PTPRN2: variants seen among roughly 807,000 people sequenced by gnomAD.
PTPRN2 encodes receptor-type tyrosine-protein phosphatase N2.
Under a neutral mutation model 118.8 loss-of-function variants are expected in PTPRN2, and 74 were observed. The ratio of observed to expected loss-of-function variants is 0.62; its 90% CI spans 0.52 to 0.76. The LOEUF (loss-of-function observed/expected upper bound fraction) is 0.76. Ranked by LOEUF, PTPRN2 falls within the 30% of genes least tolerant of loss-of-function variation. PTPRN2 has a pLI of 0.00. For synonymous variants in PTPRN2, 641 were observed against 608.0 expected (o/e 1.05, Z -0.80); for missense variants, 1,481 against 1,394.4 (o/e 1.06, Z -0.99).
At chr7:158,096,573 C>T (rs779150163) in intron 10 of PTPRN2, among the ~76,000 whole-genome samples, 5 of 152,212 alleles carry the variant, frequency 3.3e-5, no homozygotes, top group African/African-American at 7.2e-5. Context: ...GGAGTTTTGA[C>T]GTACTGTGAC....
chr7:158,476,912 A>G (rs1670343), intron 2 of PTPRN2, among the ~76,000 whole-genome samples: 121,406 of 152,194 alleles, frequency 0.8, 48,597 homozygotes, highest in Middle Eastern at 0.85. Flanking sequence ...CTGAGCTCAC[A>G]TGTGTGTGAG....
chr7:158,395,794 TGAGGCGCGAGGGGCGAGGG>T (rs1812431207), intron 2 of PTPRN2, among the ~76,000 whole-genome samples: 2 of 28,382 alleles, frequency 7.0e-5, no homozygotes, highest in African/African-American at 2.3e-4. Flanking sequence ...GGGCGAGGGG[TGAGGCGCGAGGGGCGAGGG>T]GCGAGGGCTC....
At chr7:158,068,403 C>G (rs1472635468) in intron 11 of PTPRN2, among the ~76,000 whole-genome samples, 1 of 152,182 alleles carries the variant, frequency 6.6e-6, no homozygotes, top group African/African-American at 2.4e-5. Flanking sequence ...AGTGGCTGGA[C>G]TGCAGCTGGG....
intron 5 of PTPRN2, among the ~76,000 whole-genome samples, chr7:158,168,434 A>G (rs1211898472): frequency 6.6e-6 from 1 of 152,178 alleles, no homozygotes; most frequent in Admixed American, 6.5e-5. Context: ...TCTTCTCTGA[A>G]GAAATGTCTG....
intron 6 of PTPRN2, among the ~76,000 whole-genome samples, chr7:158,140,409 G>A (rs4909104): frequency 0.26 from 39,707 of 152,132 alleles, 5,456 homozygotes; most frequent in East Asian, 0.38. Flanking sequence ...AAATGAGACT[G>A]TGGGTAGCAG....
At chr7:157,914,218 CA>C (rs1263566986) in intron 11 of PTPRN2, among the ~76,000 whole-genome samples, 4 of 152,002 alleles carry the variant, frequency 2.6e-5, no homozygotes, top group Non-Finnish European at 4.4e-5. Context: ...TTTAAAAAGA[CA>C]AAAAATTTTG....
intron 14 of PTPRN2, among the ~76,000 whole-genome samples, chr7:157,625,204 A>G (rs1803491836): frequency 6.6e-6 from 1 of 152,264 alleles, no homozygotes; most frequent in Non-Finnish European, 1.5e-5. Context: ...TAGAAATACC[A>G]TATGATCCGG....
At chr7:157,803,793 G>A (rs900949115) in intron 12 of PTPRN2, among the ~76,000 whole-genome samples, 8 of 152,168 alleles carry the variant, frequency 5.3e-5, no homozygotes, top group African/African-American at 1.9e-4. Flanking sequence ...TTTTATGCCA[G>A]TAGTGTATTG....
intron 13 of PTPRN2, among the ~76,000 whole-genome samples, chr7:157,657,132 C>T (rs1211770203): frequency 1.4e-5 from 2 of 139,150 alleles, no homozygotes; most frequent in Non-Finnish European, 3.1e-5. Flanking sequence ...CATATACACA[C>T]ACATACGCCA....
Position 157,595,384 on chromosome 7 carries a change from GAGGTTAGGAAGCCAGA to G in PTPRN2, c.2419-85_2419-70del, listed in dbSNP as rs1409412793. On this transcript the variant is annotated intron_variant, in intron 16 of 22. Coordinates refer to ENST00000389418, the MANE Select transcript of PTPRN2 (RefSeq NM_002847.5). Reference sequence around the variant, plus strand: ...GGAAGCCTGGAGGTTAGGAAGCCTGGAGGTTAGGAAGCCAGAAGGTTAGGAAACCCGGAGGTTAGGA... The same window carrying G: ...GGAAGCCTGGAGGTTAGGAAGCCTGGAGGTTAGGAAACCCGGAGGTTAGGA... 1.3e-3 allele frequency: 1,902 copies of G among 1,421,072 alleles called. 22 individuals are homozygous for G. In the African/African-American group the frequency reaches 0.028, roughly 21 times the overall value. 88.0% of individuals were successfully genotyped at this position (1,421,072 alleles called of 1,614,324 possible). A position where few individuals can be genotyped will look rare whatever the true frequency, so the allele number is the denominator to read the frequency against.
At chr7:157,681,241 G>A (rs1014949912) in intron 13 of PTPRN2, among the ~76,000 whole-genome samples, 5 of 152,126 alleles carry the variant, frequency 3.3e-5, no homozygotes, top group African/African-American at 1.2e-4. Flanking sequence ...CGTCTCTCAC[G>A]CATGGAACAG....
intron 2 of PTPRN2, among the ~76,000 whole-genome samples, chr7:158,377,064 G>C (rs12672924): frequency 1.9e-5 from 2 of 104,350 alleles, no homozygotes; most frequent in South Asian, 4.2e-4. Flanking sequence ...CGTCCTGAGA[G>C]GGGGGTCAGG....
At chr7:157,883,621 TTGGAGAC>T (rs1796291172) in intron 12 of PTPRN2, among the ~76,000 whole-genome samples, 1 of 149,164 alleles carries the variant, frequency 6.7e-6, no homozygotes. Context: ...AAAATGACTG[TTGGAGAC>T]CAGAACATGC....
intron 1 of PTPRN2, 131 bp from the exon 2 acceptor site, chr7:158,489,916 T>G (rs1324607393): frequency 3.6e-6 from 3 of 838,626 alleles, no homozygotes; most frequent in East Asian, 5.4e-5. Flanking sequence ...ACCCGGCTTT[T>G]CCGAGATGGG....
intron 21 of PTPRN2, among the ~76,000 whole-genome samples, chr7:157,556,388 ACACT>A (rs1386369988): frequency 1.0e-4 from 15 of 149,306 alleles, no homozygotes; most frequent in Non-Finnish European, 1.9e-4. Flanking sequence ...ACACCACACA[ACACT>A]CACCCACACT....
rs144609400 is a variant in PTPRN2 at position 158,173,854 on chromosome 7, G to A, written c.550-6563C>T. ...AGAAAAATAAGGCTCTATTCTGCCC[G>A]ACCCCGCAGGCAGTCAGACCTTAAT... is the stretch of plus-strand genomic sequence containing the variant. On this transcript the variant is annotated intron_variant, in intron 5 of 22. Coordinates refer to ENST00000389418, the MANE Select transcript of PTPRN2 (RefSeq NM_002847.5). 1.2e-3 allele frequency among the ~76,000 whole-genome samples: 188 copies of A among 152,282 alleles called. 3 individuals are homozygous for A. The East Asian group carries it at 0.03, about 24-fold the overall frequency.
At chr7:157,634,188 A>G (rs1804151034) in intron 14 of PTPRN2, among the ~76,000 whole-genome samples, 1 of 151,702 alleles carries the variant, frequency 6.6e-6, no homozygotes, top group Non-Finnish European at 1.5e-5. Context: ...CATTGTTTAA[A>G]CTCTTCACCC....
chr7:158,441,611 CAGTGGTGGTGGTGGTGAT>C (rs1817247662), intron 2 of PTPRN2, among the ~76,000 whole-genome samples: 21 of 121,618 alleles, frequency 1.7e-4, no homozygotes, highest in Admixed American at 4.9e-4. Context: ...ATGGTGATGG[CAGTGGTGGTGGTGGTGAT>C]AGTGATGGTG....
At chr7:158,579,236 T>C (rs989582861) in intron 1 of PTPRN2, among the ~76,000 whole-genome samples, 4 of 152,252 alleles carry the variant, frequency 2.6e-5, no homozygotes, top group Non-Finnish European at 5.9e-5. Context: ...GATATTACTC[T>C]TTAAAAGGTA....
Sources: allele counts gnomAD v4.1 joint callset (sites outside exome capture counted in the v4.1 genomes callset), GRCh38; gene constraint gnomAD v4.1.1; transcripts MANE v1.5; gene names NCBI Gene and HGNC (gene_info 2026-07-23, HGNC 2026-07-21).